The following COL6A5 variants were observed in gnomAD, a reference collection of about 807,000 sequenced individuals.
COL6A5 encodes the protein collagen alpha-5(VI) chain.
Under a neutral mutation model 65.6 loss-of-function variants are expected in COL6A5, and 48 were observed. The ratio of observed to expected loss-of-function variants is 0.73; its 90% CI spans 0.58 to 0.93. The LOEUF (loss-of-function observed/expected upper bound fraction) is 0.93. Ranked by LOEUF, COL6A5 falls within the 40% of genes least tolerant of loss-of-function variation. The pLI, the probability that COL6A5 is intolerant of heterozygous loss-of-function variation, is 0.00. For synonymous variants in COL6A5, 291 were observed against 322.8 expected, an observed-to-expected ratio of 0.90 and a Z score of 1.05; for missense variants, 914 against 928.3, an observed-to-expected ratio of 0.98 and a Z score of 0.20.
At chr3:130,371,007 A>G (rs1577437229) in intron 1 of COL6A5, among the ~76,000 whole-genome samples, 1 of 152,006 alleles carries the variant, frequency 6.6e-6, no homozygotes, top group East Asian at 1.9e-4. Context: ...GCTTAATCTT[A>G]CTCTCTAAAC....
chr3:130,441,685 C>T (rs1044311647), intron 3 of COL6A5, among the ~76,000 whole-genome samples: 1 of 152,096 alleles, frequency 6.6e-6, no homozygotes, highest in African/African-American at 2.4e-5. Flanking sequence ...TTGGAAATGC[C>T]TGGAGGCATT....
At chr3:130,349,324 G>A (rs1265041919) in intron 1 of COL6A5, among the ~76,000 whole-genome samples, 1 of 152,232 alleles carries the variant, frequency 6.6e-6, no homozygotes, top group African/African-American at 2.4e-5. Context: ...CATCTTTGTA[G>A]AGACTGCAAG....
At chr3:130,345,949 G>A (rs2107606715) in exon 1 of COL6A5, 2 of 398,694 alleles carry the variant, frequency 5.0e-6, no homozygotes, top group Non-Finnish European at 8.8e-6. Flanking sequence ...GGTTTCCAGG[G>A]TCCGGAGTGT....
At chr3:130,452,381 A>C (rs976581338) in intron 4 of COL6A5, among the ~76,000 whole-genome samples, 1 of 152,168 alleles carries the variant, frequency 6.6e-6, no homozygotes, top group Non-Finnish European at 1.5e-5. Context: ...ATTTTCCCTA[A>C]GCATGCACCA....
chr3:130,474,326 A>G (rs970621173), intron 7 of COL6A5, among the ~76,000 whole-genome samples: 8 of 152,114 alleles, frequency 5.3e-5, no homozygotes, highest in African/African-American at 1.7e-4. Flanking sequence ...ATTGCCTGCT[A>G]AAACAAAAAT....
chr3:130,455,161 AAAC>A (rs1709540013), intron 4 of COL6A5, among the ~76,000 whole-genome samples: 1 of 151,588 alleles, frequency 6.6e-6, no homozygotes. Flanking sequence ...AAAAAAAAAA[AAAC>A]AAACAAACAA....
intron 12 of COL6A5, among the ~76,000 whole-genome samples, chr3:130,403,061 C>A (rs1316057736): frequency 6.6e-6 from 1 of 152,142 alleles, no homozygotes; most frequent in African/African-American, 2.4e-5. Context: ...TACTGATCAG[C>A]CAGCTGGGCC....
chr3:130,475,273 T>G (rs570785442), intron 7 of COL6A5, among the ~76,000 whole-genome samples: 6 of 151,124 alleles, frequency 4.0e-5, no homozygotes, highest in Non-Finnish European at 8.8e-5. Context: ...AAGATATAAA[T>G]GTACAGATTT....
chr3:130,423,498 TG>T (rs1050155694), intron 28 of COL6A5, among the ~76,000 whole-genome samples: 1 of 152,000 alleles, frequency 6.6e-6, no homozygotes, highest in Non-Finnish European at 1.5e-5. Context: ...TTTTCTTATT[TG>T]ATCTTTTACA....
intron 10 of COL6A5, among the ~76,000 whole-genome samples, chr3:130,399,432 C>T (rs1936731030): frequency 6.6e-6 from 1 of 150,794 alleles, no homozygotes; most frequent in Admixed American, 6.6e-5. Flanking sequence ...GCGCAGTGGC[C>T]CGATCTTGGC....
At chr3:130,430,327 A>G (rs917225306), upstream of COL6A5, among the ~76,000 whole-genome samples, 1 of 152,182 alleles carries the variant, frequency 6.6e-6, no homozygotes, top group Non-Finnish European at 1.5e-5. Flanking sequence ...TTTTAAAATT[A>G]CTGAAATTTC....
At chr3:130,459,848 T>C (rs988247938) in intron 5 of COL6A5, among the ~76,000 whole-genome samples, 1 of 152,246 alleles carries the variant, frequency 6.6e-6, no homozygotes, top group Non-Finnish European at 1.5e-5. Flanking sequence ...TTTTGTTTTT[T>C]CGTGGGCATA....
In COL6A5 at chr3:130,409,880, G is replaced by A. The variant is rs1497310; in HGVS notation, c.4543-129G>A. On this transcript the variant is annotated intron_variant and NMD_transcript_variant, in intron 18 of 41. Coordinates refer to the COL6A5 transcript ENST00000312481. ...TTTTTTCCAAAATCCTGTGAGTTTC[G>A]AATATGAAAAAATTTCTCACACCTC... is the stretch of plus-strand genomic sequence containing the variant. 4.5e-3 allele frequency: 2,573 copies of A among 575,400 alleles called. 60 individuals are homozygous for A. Among genetic ancestry groups the A allele is most frequent in the African/African-American group, 0.042 (2,239 of 53,296 alleles). The allele number at this position is 575,400 out of a possible 1,614,324, so 35.6% of individuals were successfully genotyped here. A position where few individuals can be genotyped will look rare whatever the true frequency, so the allele number is the denominator to read the frequency against.
intron 1 of COL6A5, among the ~76,000 whole-genome samples, chr3:130,354,836 A>G (rs901347852): frequency 4.6e-5 from 7 of 152,204 alleles, no homozygotes; most frequent in Non-Finnish European, 1.0e-4. Context: ...GCTATCCAGT[A>G]TGGTAGCCAC....
intron 1 of COL6A5, among the ~76,000 whole-genome samples, chr3:130,348,322 G>A (rs1170717601): frequency 1.3e-5 from 2 of 152,066 alleles, no homozygotes; most frequent in East Asian, 3.9e-4. Context: ...CCCTCCCTGT[G>A]TCCAGGTGTT....
intron 1 of COL6A5, among the ~76,000 whole-genome samples, chr3:130,433,980 CAAAA>C (rs71158193): frequency 6.7e-6 from 1 of 148,246 alleles, no homozygotes; most frequent in African/African-American, 2.5e-5. Context: ...AAAACAAAAA[CAAAA>C]AAAACAGGAT....
chr3:130,460,596 G>T (rs909181641), intron 5 of COL6A5, among the ~76,000 whole-genome samples: 1 of 152,082 alleles, frequency 6.6e-6, no homozygotes, highest in Non-Finnish European at 1.5e-5. Flanking sequence ...GATACTTGAA[G>T]TATTAAGTAG....
At chr3:130,377,722 G>C (rs1212670295) in intron 3 of COL6A5, among the ~76,000 whole-genome samples, 1 of 152,148 alleles carries the variant, frequency 6.6e-6, no homozygotes, top group African/African-American at 2.4e-5. Context: ...ACTTAACCCT[G>C]AGCGTCAGTT....
intron 1 of COL6A5, among the ~76,000 whole-genome samples, chr3:130,436,321 T>C (rs955155191): frequency 7.9e-5 from 12 of 152,108 alleles, no homozygotes; most frequent in Non-Finnish European, 1.2e-4. Context: ...AGACCCTCTG[T>C]CTACTATAGA....
Sources: allele counts gnomAD v4.1 joint callset (sites outside exome capture counted in the v4.1 genomes callset), GRCh38; gene constraint gnomAD v4.1.1; transcripts MANE v1.5; gene names NCBI Gene and HGNC (gene_info 2026-07-23, HGNC 2026-07-21).